UGT1A9: variants seen among roughly 807,000 people sequenced by gnomAD.
UGT1A9 encodes UDP glucuronosyltransferase family 1 member A9.
In UGT1A9, 35 loss-of-function variants were observed where a neutral mutation model predicts 45.0. The ratio of observed to expected loss-of-function variants is 0.78; its 90% CI spans 0.59 to 1.03. UGT1A9 has a LOEUF of 1.03. UGT1A9 is among the 50% of genes least tolerant of loss of function. The pLI is 0.00. For synonymous variants in UGT1A9, 278 were observed against 250.6 expected, an observed-to-expected ratio of 1.11 and a Z score of -1.03; for missense variants, 687 against 666.6, an observed-to-expected ratio of 1.03 and a Z score of -0.34.
intron 1 of UGT1A9, among the ~76,000 whole-genome samples, chr2:233,700,167 G>A (rs961586449): frequency 6.6e-6 from 1 of 152,190 alleles, no homozygotes; most frequent in African/African-American, 2.4e-5. Context: ...TACAAGGAAT[G>A]CTCATTCAGG....
intron 1 of UGT1A9, chr2:233,721,885 A>G: frequency 2.0e-6 from 1 of 488,602 alleles, no homozygotes; most frequent in South Asian, 1.5e-5. Context: ...CAGCCCCTCC[A>G]TTGCAATATC....
intron 1 of UGT1A9, among the ~76,000 whole-genome samples, chr2:233,709,507 T>C (rs1264085569): frequency 2.6e-5 from 4 of 152,174 alleles, no homozygotes; most frequent in Admixed American, 2.0e-4. Context: ...TGCCTCTTGC[T>C]CTCTTTTAGG....
At chr2:233,748,342 C>G (rs117379305) in intron 1 of UGT1A9, among the ~76,000 whole-genome samples, 3 of 151,616 alleles carry the variant, frequency 2.0e-5, no homozygotes, top group African/African-American at 7.3e-5. Context: ...GGAGACTGTT[C>G]GTTTGTAAAG....
At chr2:233,682,035 T>C (rs776447036) in intron 1 of UGT1A9, 2 of 1,614,106 alleles carry the variant, frequency 1.2e-6, no homozygotes, top group South Asian at 2.2e-5. Context: ...GTAGTGCCCA[T>C]GGATGGGAGC....
intron 1 of UGT1A9, chr2:233,682,233 CG>C: frequency 6.2e-7 from 1 of 1,614,200 alleles, no homozygotes; most frequent in Non-Finnish European, 8.5e-7. Context: ...GCTCGCTGGA[CG>C]GCACCATTGC....
intron 1 of UGT1A9, among the ~76,000 whole-genome samples, chr2:233,703,526 A>G (rs1380988248): frequency 1.3e-5 from 2 of 151,996 alleles, no homozygotes; most frequent in Non-Finnish European, 2.9e-5. Context: ...GACACTTATC[A>G]TTACACAATT....
chr2:233,769,456 T>C lies in UGT1A9; in HGVS notation c.1295+1017T>C, dbSNP rs1699869173. On this transcript the variant is annotated intron_variant, in intron 4 of 4. Coordinates refer to ENST00000354728, the MANE Select transcript of UGT1A9 (RefSeq NM_021027.3). This position sits in a 1 kb window ranked among gnomAD's most constrained non-coding sequence, Gnocchi z 4.4. ...TCATGTGTGGGTGCACACGTGTGCA[T>C]TCATATGCGTGTGTGTGTGTGTGCG... 2 of 1,598,818 alleles carry C rather than the reference T, an allele frequency of 1.3e-6. No homozygotes were observed. The highest frequency in any genetic ancestry group is 2.2e-5 in the East Asian group (1 of 44,796).
intron 1 of UGT1A9, chr2:233,760,242 A>C: frequency 6.2e-7 from 1 of 1,607,672 alleles, no homozygotes; most frequent in Non-Finnish European, 8.5e-7. Context: ...CCATATATAT[A>C]TATATAAGTA....
chr2:233,763,199 G>A (rs1698259470), intron 1 of UGT1A9, among the ~76,000 whole-genome samples: 1 of 152,320 alleles, frequency 6.6e-6, no homozygotes, highest in African/African-American at 2.4e-5. Context: ...CTTGTTTGGT[G>A]CAGTCAGGCT....
intron 1 of UGT1A9, chr2:233,754,898 C>G: frequency 1.5e-6 from 2 of 1,351,858 alleles, no homozygotes; most frequent in Non-Finnish European, 2.0e-6. Context: ...TCCTCTGACC[C>G]CCCAAAATAT....
At position 233,718,196 on chromosome 2, in the gene UGT1A9, G is replaced by A. The variant is rs1258462384; in HGVS notation, c.855+45407G>A. On this transcript the variant is annotated intron_variant, in intron 1 of 4. Transcript: ENST00000354728. ...ACATCTTGAGCTCAGCCTCCCCGGA[G>A]CTTTTTTTTATATTGACAGCCACTT... 4.6e-5 allele frequency among the ~76,000 whole-genome samples: 7 copies of A among 152,156 alleles called. No individual in the cohort carries two copies. In the South Asian group the frequency reaches 1.5e-3, roughly 32 times the overall value.
At chr2:233,684,762 T>A (rs1173403958) in intron 1 of UGT1A9, among the ~76,000 whole-genome samples, 1 of 152,128 alleles carries the variant, frequency 6.6e-6, no homozygotes, top group African/African-American at 2.4e-5. Flanking sequence ...AGAATTCAGA[T>A]CATAAAGAGT....
chr2:233,693,075 T>A, intron 1 of UGT1A9: 1 of 1,614,184 alleles, frequency 6.2e-7, no homozygotes, highest in South Asian at 1.1e-5. Context: ...TGGGGCATGG[T>A]TGTAGGTGAC....
chr2:233,682,299 T>C, intron 1 of UGT1A9: 1 of 1,614,216 alleles, frequency 6.2e-7, no homozygotes, highest in Non-Finnish European at 8.5e-7. Flanking sequence ...GACTTATTTT[T>C]TTCAAATTGC....
In UGT1A9 at chr2:233,768,364, G is replaced by C; in HGVS notation, c.1220G>C (p.Gly407Ala). ...AAGCGCATGGAGACTAAGGGAGCTG[G>C]AGTGACCCTGAATGTTCTGGAAATG... is the stretch of plus-strand genomic sequence containing the variant. ...NAKRMETKGAGVTLNVLEMTS... is the reference protein window; with the variant it reads ...NAKRMETKGAAVTLNVLEMTS... The change falls in exon 4 of 5, where the codon GGA (glycine) becomes GCA (alanine). Residue 407 changes from glycine (G) to alanine (A), a missense_variant. Physicochemically the swap from Gly to Ala is moderately conservative, Grantham distance 60. Transcript: ENST00000354728. 2 of 1,614,172 alleles carry C rather than the reference G, an allele frequency of 1.2e-6. No homozygotes were observed. The highest frequency in any genetic ancestry group is 1.7e-6 in the Non-Finnish European group (2 of 1,180,034).
At position 233,681,970 on chromosome 2, in the gene UGT1A9, C is replaced by A. The variant is rs7577677; in HGVS notation, c.855+9181C>A. ...GTGCAGGGTGGACTGGCCTCCTTCC[C>A]CTATATGTGTGTCTACTGCTGACCT... On this transcript the variant is annotated intron_variant, in intron 1 of 4. Coordinates refer to ENST00000354728, the MANE Select transcript of UGT1A9 (RefSeq NM_021027.3). 603,341 of 1,613,798 alleles carry A rather than the reference C, an allele frequency of 0.37. 115,635 individuals carry two copies. The highest frequency in any genetic ancestry group is 0.41 in the South Asian group (37,458 of 91,050).
At chr2:233,754,553 C>G (rs139007444) in intron 1 of UGT1A9, 1 of 387,854 alleles carries the variant, frequency 2.6e-6, no homozygotes, top group Non-Finnish European at 5.1e-6. Context: ...TACTTGGTGT[C>G]AATGGGGAGC....
chr2:233,707,932 T>C (rs1354532365), intron 1 of UGT1A9, among the ~76,000 whole-genome samples: 6 of 152,256 alleles, frequency 3.9e-5, no homozygotes, highest in Non-Finnish European at 1.5e-5. Flanking sequence ...AATATACTTA[T>C]CAGTCATTTG....
At chr2:233,721,763 T>A in intron 1 of UGT1A9, 1 of 476,760 alleles carries the variant, frequency 2.1e-6, no homozygotes, top group African/African-American at 2.0e-5. Context: ...TCTAAATTGT[T>A]ATATTTAGCA....
Sources: allele counts gnomAD v4.1 joint callset (sites outside exome capture counted in the v4.1 genomes callset), GRCh38; gene constraint gnomAD v4.1.1; non-coding constraint Gnocchi (gnomAD v3.1); transcripts MANE v1.5; gene names NCBI Gene and HGNC (gene_info 2026-07-23, HGNC 2026-07-21).